ADAMTSL1: variants seen among roughly 807,000 people sequenced by gnomAD.
ADAMTSL1 encodes ADAMTS-like protein 1.
Under a neutral mutation model 201.8 loss-of-function variants are expected in ADAMTSL1, and 126 were observed. The observed-to-expected ratio is 0.62, with a 90% confidence interval of 0.54 to 0.72. The LOEUF is 0.72. Among genes scored for constraint, ADAMTSL1 ranks in the 30% least tolerant of loss-of-function variants. The pLI, the probability that ADAMTSL1 is intolerant of heterozygous loss-of-function variation, is 0.00. For synonymous variants in ADAMTSL1, 1,121 were observed against 903.4 expected (o/e 1.24, Z -4.32); for missense variants, 2,679 against 2,277.8 (o/e 1.18, Z -3.59).
At chr9:18,795,551 A>C (rs1423993537) in intron 20 of ADAMTSL1, 27 bp downstream of exon 20, 1 of 1,583,392 alleles carries the variant, frequency 6.3e-7, no homozygotes, top group Admixed American at 1.8e-5. Flanking sequence ...TGTTCTGTTC[A>C]TTTCATAAAC....
rs116429586 is a variant in ADAMTSL1, at chr9:18,530,671, T to C, written c.192-2576T>C. On this transcript the variant is annotated intron_variant, in intron 2 of 28. Transcript: ENST00000380548. ...ATAGCTATTATATTTTTACATCTAT[T>C]ATGTACTTAATTAATTTATCTAACA... Among the ~76,000 whole-genome samples, 401 of 152,318 alleles carry C rather than the reference T, an allele frequency of 2.6e-3. 1 individual carries two copies. The highest frequency in any genetic ancestry group is 9.0e-3 in the African/African-American group (373 of 41,572).
chr9:18,533,673 A>G (rs1299106244), intron 3 of ADAMTSL1, among the ~76,000 whole-genome samples: 1 of 152,220 alleles, frequency 6.6e-6, no homozygotes, highest in Non-Finnish European at 1.5e-5. Context: ...TTTATTCAAC[A>G]AATATTATTC....
chr9:18,514,146 T>G (rs1369712933), intron 2 of ADAMTSL1, among the ~76,000 whole-genome samples: 1 of 152,150 alleles, frequency 6.6e-6, no homozygotes, highest in Non-Finnish European at 1.5e-5. Context: ...ACCATTTATT[T>G]GTGTCATCTT....
chr9:18,146,345 CA>C (rs751820709), intron 1 of ADAMTSL1, among the ~76,000 whole-genome samples: 7 of 151,960 alleles, frequency 4.6e-5, no homozygotes, highest in Non-Finnish European at 7.4e-5. Flanking sequence ...CGCAAGAAAC[CA>C]AAATATCCTT....
At chr9:18,619,567 G>C (rs769960472) in intron 4 of ADAMTSL1, among the ~76,000 whole-genome samples, 27 of 152,298 alleles carry the variant, frequency 1.8e-4, no homozygotes, top group Middle Eastern at 6.8e-3. Flanking sequence ...CTTAAAGTAT[G>C]TCACCTCCTA....
Position 18,320,728 on chromosome 9 carries a change from G to A in ADAMTSL1, c.207+156747G>A, listed in dbSNP as rs192637870. ...ACACAAAGGATGAGAGAGGTTAATG[G>A]AATTATGCTGTTGCAAAGTACCTCT... On this transcript the variant is annotated intron_variant, in intron 2 of 29. Coordinates refer to the ADAMTSL1 transcript ENST00000680146. Among the ~76,000 whole-genome samples, 13 of 152,216 alleles carry A rather than the reference G, an allele frequency of 8.5e-5. No individual in the cohort carries two copies. In the East Asian group the frequency reaches 2.5e-3, roughly 29 times the overall value.
chr9:18,222,289 T>A (rs1008787842), intron 2 of ADAMTSL1, among the ~76,000 whole-genome samples: 1 of 151,860 alleles, frequency 6.6e-6, no homozygotes, highest in African/African-American at 2.4e-5. Flanking sequence ...GTTCTTATTG[T>A]CATTTGGATT....
chr9:18,253,971 G>C (rs10511646), intron 2 of ADAMTSL1, among the ~76,000 whole-genome samples: 14,436 of 152,122 alleles, frequency 0.095, 814 homozygotes, highest in African/African-American at 0.16. Flanking sequence ...AAATTTACGT[G>C]CCAATTCACG....
At chr9:18,885,194 A>T (rs1485361303) in intron 23 of ADAMTSL1, among the ~76,000 whole-genome samples, 1 of 152,152 alleles carries the variant, frequency 6.6e-6, no homozygotes. Flanking sequence ...CCTCCTTTGC[A>T]TCCTCCAAAA....
chr9:18,895,169 T>C (rs1317220335), intron 26 of ADAMTSL1, among the ~76,000 whole-genome samples: 1 of 152,152 alleles, frequency 6.6e-6, no homozygotes. Context: ...AGGAAATAAG[T>C]GCTTCCAGGG....
chr9:18,588,549 G>C (rs1823671360), intron 4 of ADAMTSL1, among the ~76,000 whole-genome samples: 1 of 151,846 alleles, frequency 6.6e-6, no homozygotes. Flanking sequence ...TTGTTGTGGA[G>C]CATTTCCCTA....
chr9:18,717,497 A>T (rs184885719), intron 14 of ADAMTSL1, among the ~76,000 whole-genome samples: 97 of 152,228 alleles, frequency 6.4e-4, no homozygotes, highest in Non-Finnish European at 1.2e-3. Flanking sequence ...AAATTTCTTT[A>T]AAAAAATTAC....
intron 1 of ADAMTSL1, among the ~76,000 whole-genome samples, chr9:18,082,370 C>T (rs1039019108): frequency 6.6e-5 from 10 of 152,220 alleles, no homozygotes; most frequent in East Asian, 5.8e-4. Context: ...AGTACAATGA[C>T]GTGATCTCAG....
intron 1 of ADAMTSL1, among the ~76,000 whole-genome samples, chr9:17,953,088 A>G (rs1827794063): frequency 6.6e-6 from 1 of 151,898 alleles, no homozygotes. Context: ...TAAAAATGAC[A>G]TGATACTGCA....
intron 2 of ADAMTSL1, among the ~76,000 whole-genome samples, chr9:18,512,084 T>A (rs1259557803): frequency 6.6e-6 from 1 of 152,216 alleles, no homozygotes; most frequent in African/African-American, 2.4e-5. Context: ...GTCATTTGTA[T>A]GAGATAGTCT....
chr9:18,399,280 C>CATATATAT lies in ADAMTSL1; in HGVS notation c.208-105507_208-105500dup, dbSNP rs561622408. ...TTCTTTAGTTCCTCTGTCTGCTTTA[C>CATATATAT]ATATATATATATATATATATATATA... On this transcript the variant is annotated intron_variant, in intron 2 of 29. Transcript: ENST00000680146. Among the ~76,000 whole-genome samples the CATATATAT allele has an allele frequency of 5.3e-3, 164 of 30,972 alleles. 3 individuals carry two copies. Among genetic ancestry groups the CATATATAT allele is most frequent in the Non-Finnish European group, 6.6e-3 (101 of 15,268 alleles). 20.3% of individuals were successfully genotyped at this position (30,972 alleles called of 152,430 possible).
intron 2 of ADAMTSL1, among the ~76,000 whole-genome samples, chr9:18,508,414 A>T (rs1817813134): frequency 6.6e-6 from 1 of 152,148 alleles, no homozygotes; most frequent in South Asian, 2.1e-4. Flanking sequence ...ATTTTGGATG[A>T]TTTCATTTTA....
intron 3 of ADAMTSL1, among the ~76,000 whole-genome samples, chr9:18,554,412 T>G (rs1424884907): frequency 6.6e-6 from 1 of 151,816 alleles, no homozygotes; most frequent in Non-Finnish European, 1.5e-5. Flanking sequence ...AGGGAGTTCC[T>G]TGTAATCTGG....
intron 1 of ADAMTSL1, among the ~76,000 whole-genome samples, chr9:17,998,336 G>A (rs1819467974): frequency 6.6e-6 from 1 of 152,020 alleles, no homozygotes; most frequent in Admixed American, 6.6e-5. Flanking sequence ...AAGTGTACAT[G>A]TAAAAGGAGA....
Sources: allele counts gnomAD v4.1 joint callset (sites outside exome capture counted in the v4.1 genomes callset), GRCh38; gene constraint gnomAD v4.1.1; transcripts MANE v1.5; gene names NCBI Gene and HGNC (gene_info 2026-07-23, HGNC 2026-07-21).